The following TMEM232 variants were observed in gnomAD, a reference collection of about 807,000 sequenced individuals.
TMEM232 encodes the protein transmembrane protein 232.
Under a neutral mutation model 78.8 loss-of-function variants are expected in TMEM232, and 80 were observed. That is an observed-to-expected ratio of 1.01 (90% CI 0.85 to 1.22). The LOEUF is 1.22. Among genes scored for constraint, TMEM232 ranks in the 50% most tolerant of loss-of-function variants. The probability of loss-of-function intolerance (pLI) is 0.00; values close to 1 mark genes in which losing one functional copy is unlikely to be tolerated. For synonymous variants in TMEM232, 297 were observed against 254.3 expected, an observed-to-expected ratio of 1.17 and a Z score of -1.60; for missense variants, 881 against 742.2, an observed-to-expected ratio of 1.19 and a Z score of -2.17.
chr5:110,664,622 A>G (rs1790301434), intron 2 of TMEM232, among the ~76,000 whole-genome samples: 1 of 152,232 alleles, frequency 6.6e-6, no homozygotes, highest in Admixed American at 6.5e-5. Flanking sequence ...GGTGACTTAA[A>G]CATTTTATTT....
At chr5:110,542,752 T>C (rs569374508) in intron 11 of TMEM232, among the ~76,000 whole-genome samples, 1 of 152,066 alleles carries the variant, frequency 6.6e-6, no homozygotes, top group African/African-American at 2.4e-5. Context: ...CCCCAACTTC[T>C]CATGCCCAAG....
At chr5:110,401,306 G>A (rs1755584448) in intron 2 of TMEM232, among the ~76,000 whole-genome samples, 1 of 143,130 alleles carries the variant, frequency 7.0e-6, no homozygotes, top group African/African-American at 3.0e-5. Context: ...GAGCACTTAA[G>A]ATCTGAAATG....
At chr5:110,500,413 A>C (rs1416146835) in intron 12 of TMEM232, among the ~76,000 whole-genome samples, 1 of 152,122 alleles carries the variant, frequency 6.6e-6, no homozygotes, top group Non-Finnish European at 1.5e-5. Context: ...TGACAGCTTA[A>C]AATGTCCAAA....
intron 3 of TMEM232, among the ~76,000 whole-genome samples, chr5:110,395,333 A>T (rs1755344370): frequency 6.6e-6 from 1 of 152,144 alleles, no homozygotes. Flanking sequence ...GTGTGAACAG[A>T]AAAGTCTGTG....
intron 1 of TMEM232, among the ~76,000 whole-genome samples, chr5:110,701,360 A>C (rs1795423790): frequency 6.6e-6 from 1 of 152,026 alleles, no homozygotes; most frequent in Non-Finnish European, 1.5e-5. Context: ...CCATCAAAAC[A>C]GGAAGCTGTA....
chr5:110,597,343 A>C (rs1170288462), intron 10 of TMEM232, among the ~76,000 whole-genome samples: 2 of 152,118 alleles, frequency 1.3e-5, no homozygotes, highest in African/African-American at 2.4e-5. Context: ...ACTACAAACC[A>C]CTGCTCAATG....
chr5:110,638,129 ACAGATGT>A, intron 5 of TMEM232, 62 bp downstream of exon 5: 1 of 1,228,144 alleles, frequency 8.1e-7, no homozygotes, highest in Non-Finnish European at 1.1e-6. Flanking sequence ...TGATCCTAAA[ACAGATGT>A]CATGTTGTTA....
chr5:110,715,572 T>G lies in TMEM232; in HGVS notation c.-13+11055A>C, dbSNP rs76713873. 1.7e-4 allele frequency among the ~76,000 whole-genome samples: 26 copies of G among 152,224 alleles called. No homozygotes were observed. The East Asian group carries it at 3.1e-3, about 18-fold the overall frequency. On this transcript the variant is annotated intron_variant, in intron 1 of 13. Coordinates refer to ENST00000455884, the MANE Select transcript of TMEM232 (RefSeq NM_001039763.4). ...TTATGAAAATACATTCTGCTGACAA[T>G]TACATTAATACATTTTCTAAGGTGA...
At chr5:110,472,418 A>G (rs1250816418) in intron 12 of TMEM232, among the ~76,000 whole-genome samples, 1 of 152,002 alleles carries the variant, frequency 6.6e-6, no homozygotes, top group Non-Finnish European at 1.5e-5. Flanking sequence ...TGGAAAAAAT[A>G]TCCTGTGTAT....
chr5:110,713,399 A>C (rs1796697117), intron 1 of TMEM232, among the ~76,000 whole-genome samples: 1 of 152,148 alleles, frequency 6.6e-6, no homozygotes, highest in Admixed American at 6.5e-5. Context: ...TAACTAAAGG[A>C]GTATAATTGG....
chr5:110,452,992 T>C (rs1335363947), intron 12 of TMEM232, among the ~76,000 whole-genome samples: 1 of 152,198 alleles, frequency 6.6e-6, no homozygotes, highest in Non-Finnish European at 1.5e-5. Context: ...TAAGAAATCA[T>C]AGCTAATTCA....
intron 12 of TMEM232, among the ~76,000 whole-genome samples, chr5:110,521,747 T>C (rs749025073): frequency 1.6e-4 from 24 of 152,182 alleles, no homozygotes; most frequent in Non-Finnish European, 2.9e-4. Flanking sequence ...ACCTTGTCAA[T>C]GGTCAATTGA....
At chr5:110,547,807 G>T (rs1392622984) in intron 11 of TMEM232, among the ~76,000 whole-genome samples, 1 of 151,986 alleles carries the variant, frequency 6.6e-6, no homozygotes, top group Non-Finnish European at 1.5e-5. Flanking sequence ...AGACCAGCCT[G>T]TCCGGCATGG....
intron 12 of TMEM232, among the ~76,000 whole-genome samples, chr5:110,456,394 CA>C (rs1183131384): frequency 1.3e-5 from 2 of 151,592 alleles, no homozygotes; most frequent in Non-Finnish European, 2.9e-5. Context: ...TAAAAGAAAT[CA>C]AAACAGATCT....
At chr5:110,410,062 G>T (rs1755934021) in intron 2 of TMEM232, among the ~76,000 whole-genome samples, 1 of 152,170 alleles carries the variant, frequency 6.6e-6, no homozygotes, top group African/African-American at 2.4e-5. Context: ...GGTAGGGTAT[G>T]TTGACAAAAT....
intron 10 of TMEM232, among the ~76,000 whole-genome samples, chr5:110,581,491 C>G (rs990010334): frequency 1.3e-5 from 2 of 151,942 alleles, no homozygotes; most frequent in African/African-American, 2.4e-5. Context: ...GGGACCCCTT[C>G]CTTAAACTAT....
At chr5:110,649,197 TA>T (rs1451714024) in intron 2 of TMEM232, among the ~76,000 whole-genome samples, 4 of 152,012 alleles carry the variant, frequency 2.6e-5, no homozygotes, top group Non-Finnish European at 1.5e-5. Flanking sequence ...ATATAAAGCA[TA>T]AAACTGTAAA....
intron 10 of TMEM232, among the ~76,000 whole-genome samples, chr5:110,602,940 A>T (rs1420217832): frequency 6.6e-6 from 1 of 152,182 alleles, no homozygotes; most frequent in Admixed American, 6.6e-5. Context: ...GCACATATAC[A>T]CCATGGAATA....
chr5:110,652,218 T>G (rs1346622520), intron 2 of TMEM232, among the ~76,000 whole-genome samples: 3 of 151,674 alleles, frequency 2.0e-5, no homozygotes, highest in Non-Finnish European at 4.4e-5. Context: ...TTTAAAATAA[T>G]AGTAAATTCA....
Sources: gnomAD v4.1 joint callset for allele counts (sites outside exome capture counted in the v4.1 genomes callset) on GRCh38, gnomAD v4.1.1 for gene constraint, MANE v1.5 for transcripts, NCBI Gene and HGNC (gene_info 2026-07-23, HGNC 2026-07-21) for gene names.